The following CEP85L variants were observed in gnomAD, a reference collection of about 807,000 sequenced individuals.
CEP85L encodes centrosomal protein 85L, also known as centrosomal protein of 85 kDa-like.
Under a neutral mutation model 100.3 loss-of-function variants are expected in CEP85L, and 60 were observed. The ratio of observed to expected loss-of-function variants is 0.60; its 90% CI spans 0.49 to 0.74. CEP85L has a LOEUF of 0.74. CEP85L is among the 30% of genes least tolerant of loss of function. The pLI, the probability that CEP85L is intolerant of heterozygous loss-of-function variation, is 0.00. For missense variants in CEP85L, 973 were observed against 936.2 expected, an observed-to-expected ratio of 1.04 and a Z score of -0.51; for synonymous variants, 319 against 322.7, an observed-to-expected ratio of 0.99 and a Z score of 0.12.
rs1774254592 is a variant in CEP85L at position 118,632,872 on chromosome 6, T to C, written c.74-261A>G. 2.0e-5 allele frequency among the ~76,000 whole-genome samples: 3 copies of C among 152,354 alleles called. No individual in the cohort carries two copies. In the East Asian group the frequency reaches 5.8e-4, roughly 29 times the overall value. On this transcript the variant is annotated intron_variant, in intron 1 of 12. Transcript: ENST00000368491. ...CATTAAACTTTTAAAGACGTACTGCTGTGTTATTAAAAATGTTGGAACTAT... is the reference window on the plus strand; with the variant it reads ...CATTAAACTTTTAAAGACGTACTGCCGTGTTATTAAAAATGTTGGAACTAT...
intron 1 of CEP85L, among the ~76,000 whole-genome samples, chr6:118,648,283 T>C (rs1047653196): frequency 6.6e-6 from 1 of 152,184 alleles, no homozygotes; most frequent in African/African-American, 2.4e-5. Flanking sequence ...ACTCATTTTA[T>C]TTTTGGTTTA....
intron 5 of CEP85L, among the ~76,000 whole-genome samples, chr6:118,505,355 T>C (rs994141987): frequency 1.4e-4 from 19 of 135,532 alleles, no homozygotes; most frequent in African/African-American, 5.4e-4. Context: ...GCAGGAGAAT[T>C]GCTTGAACCC....
intron 5 of CEP85L, among the ~76,000 whole-genome samples, chr6:118,497,618 A>G (rs991968167): frequency 2.0e-5 from 3 of 152,156 alleles, no homozygotes; most frequent in Non-Finnish European, 4.4e-5. Context: ...TGGTGCCAAA[A>G]AGGTTAGGGA....
intron 3 of CEP85L, among the ~76,000 whole-genome samples, chr6:118,531,285 T>C (rs1259265220): frequency 6.6e-6 from 1 of 152,108 alleles, no homozygotes; most frequent in East Asian, 1.9e-4. Flanking sequence ...CAATAAACAA[T>C]GCTGGAATAA....
At chr6:118,493,480 T>C (rs1264735764) in intron 5 of CEP85L, among the ~76,000 whole-genome samples, 2 of 152,152 alleles carry the variant, frequency 1.3e-5, no homozygotes, top group African/African-American at 4.8e-5. Context: ...CAAAGCTAGA[T>C]TCAGTGAACA....
chr6:118,670,570 G>A (rs554819529), intron 1 of CEP85L, among the ~76,000 whole-genome samples: 5 of 151,270 alleles, frequency 3.3e-5, no homozygotes, highest in African/African-American at 1.2e-4. Context: ...ACTAAGCAGA[G>A]GCTTTAAAAG....
intron 2 of CEP85L, among the ~76,000 whole-genome samples, chr6:118,613,028 G>A (rs1772754656): frequency 6.6e-6 from 1 of 151,962 alleles, no homozygotes; most frequent in Non-Finnish European, 1.5e-5. Context: ...AGACCAGCCT[G>A]ACCAACATGG....
At chr6:118,498,191 T>A (rs1487337037) in intron 5 of CEP85L, among the ~76,000 whole-genome samples, 1 of 151,984 alleles carries the variant, frequency 6.6e-6, no homozygotes, top group Non-Finnish European at 1.5e-5. Flanking sequence ...TTGATTAATA[T>A]AAAATGCTCA....
chr6:118,560,721 G>A (rs1224077484), intron 3 of CEP85L: 1 of 165,136 alleles, frequency 6.1e-6, no homozygotes, highest in Non-Finnish European at 1.5e-5. Context: ...TTTTCTTGAT[G>A]AATAAATTTT....
intron 2 of CEP85L, among the ~76,000 whole-genome samples, chr6:118,595,431 G>C (rs923139272): frequency 9.2e-5 from 14 of 152,166 alleles, no homozygotes; most frequent in Admixed American, 9.2e-4. Flanking sequence ...TCAATGGTAA[G>C]TCTAGAATAA....
intron 4 of CEP85L, among the ~76,000 whole-genome samples, chr6:118,521,012 A>C (rs1180695852): frequency 1.3e-5 from 2 of 152,144 alleles, no homozygotes; most frequent in East Asian, 3.8e-4. Context: ...AGTTATACGC[A>C]GTGTGAAAAA....
chr6:118,570,974 TTAAA>T (rs1779852542), intron 2 of CEP85L, among the ~76,000 whole-genome samples: 2 of 151,826 alleles, frequency 1.3e-5, no homozygotes, highest in South Asian at 4.1e-4. Context: ...TTTGAAAGAA[TTAAA>T]TATTTAGTAT....
intron 3 of CEP85L, among the ~76,000 whole-genome samples, chr6:118,551,695 G>C (rs1368072659): frequency 1.3e-5 from 2 of 151,976 alleles, no homozygotes; most frequent in Non-Finnish European, 2.9e-5. Context: ...ATTTAGGAAT[G>C]AGAATATATT....
At chr6:118,620,772 T>A (rs1773384477) in intron 2 of CEP85L, among the ~76,000 whole-genome samples, 1 of 152,164 alleles carries the variant, frequency 6.6e-6, no homozygotes, top group South Asian at 2.1e-4. Flanking sequence ...ATCCTCAAGA[T>A]CCATTACCAT....
At chr6:118,476,893 A>G (rs759223357) in intron 10 of CEP85L, among the ~76,000 whole-genome samples, 1 of 152,222 alleles carries the variant, frequency 6.6e-6, no homozygotes, top group Non-Finnish European at 1.5e-5. Context: ...ACAAGCACAC[A>G]TTACAAAACT....
chr6:118,515,630 T>A (rs1263537807), intron 4 of CEP85L, among the ~76,000 whole-genome samples: 1 of 152,178 alleles, frequency 6.6e-6, no homozygotes, highest in East Asian at 1.9e-4. Flanking sequence ...CAATGTAACA[T>A]AATTGTAAAT....
intron 1 of CEP85L, among the ~76,000 whole-genome samples, chr6:118,633,292 C>T (rs1376108649): frequency 6.6e-6 from 1 of 151,344 alleles, no homozygotes; most frequent in African/African-American, 2.4e-5. Flanking sequence ...GTAAGCGCTG[C>T]CTCCCGGGTT....
At chr6:118,517,141 T>C (rs1261290809) in intron 4 of CEP85L, among the ~76,000 whole-genome samples, 1 of 152,248 alleles carries the variant, frequency 6.6e-6, no homozygotes, top group East Asian at 1.9e-4. Context: ...TTTTGGTTAC[T>C]GCAGCGTTTT....
intron 2 of CEP85L, among the ~76,000 whole-genome samples, chr6:118,620,362 C>G (rs1773359850): frequency 6.6e-6 from 1 of 152,176 alleles, no homozygotes; most frequent in Admixed American, 6.5e-5. Context: ...AAGAGAAAGA[C>G]CGCAGCCTTG....
Sources: gnomAD v4.1 joint callset for allele counts (sites outside exome capture counted in the v4.1 genomes callset) on GRCh38, gnomAD v4.1.1 for gene constraint, MANE v1.5 for transcripts, NCBI Gene and HGNC (gene_info 2026-07-23, HGNC 2026-07-21) for gene names.